The following SRGAP3 variants were observed in gnomAD, a reference collection of about 807,000 sequenced individuals.
The protein encoded by SRGAP3 is SLIT-ROBO Rho GTPase activating protein 3.
SRGAP3 carries 39 observed loss-of-function variants against 121.1 expected under a neutral mutation model. The observed-to-expected ratio is 0.32, with a 90% CI of 0.25 to 0.42. The LOEUF is 0.42. SRGAP3 is among the 10% of genes least tolerant of loss of function. The pLI, the probability that SRGAP3 is intolerant of heterozygous loss-of-function variation, is 1.00. For synonymous variants in SRGAP3, 601 were observed against 570.0 expected, an observed-to-expected ratio of 1.05 and a Z score of -0.77; for missense variants, 1,213 against 1,470.6, an observed-to-expected ratio of 0.82 and a Z score of 2.86.
intron 2 of SRGAP3, among the ~76,000 whole-genome samples, chr3:9,123,324 GAT>G (rs1949084868): frequency 6.6e-6 from 1 of 151,884 alleles, no homozygotes; most frequent in Admixed American, 6.6e-5. Context: ...ATTTAAAAAT[GAT>G]GAAAATGGTA....
chr3:9,295,898 C>A (rs1180159550), intron 3 of SRGAP3, among the ~76,000 whole-genome samples: 1 of 152,132 alleles, frequency 6.6e-6, no homozygotes, highest in Non-Finnish European at 1.5e-5. Context: ...TATACATATA[C>A]CCTTTTGTAC....
At chr3:9,265,528 G>GA (rs920270805) in intron 3 of SRGAP3, among the ~76,000 whole-genome samples, 3 of 147,808 alleles carry the variant, frequency 2.0e-5, no homozygotes, top group African/African-American at 5.0e-5. Flanking sequence ...AAATTTACAA[G>GA]AAAAAAAAAC....
At chr3:9,005,587 T>C (rs1434793493) in intron 18 of SRGAP3, among the ~76,000 whole-genome samples, 3 of 152,258 alleles carry the variant, frequency 2.0e-5, no homozygotes, top group African/African-American at 7.2e-5. Flanking sequence ...GGAATATTAT[T>C]CAGCCATCAA....
intron 2 of SRGAP3, 45 bp downstream of exon 2, chr3:9,124,680 C>T (rs1949151427): frequency 2.5e-6 from 4 of 1,611,822 alleles, no homozygotes; most frequent in Non-Finnish European, 3.4e-6. Flanking sequence ...TCCGCCCACC[C>T]CAGTGCTGCC....
chr3:9,053,840 G>T (rs924553702), intron 8 of SRGAP3, among the ~76,000 whole-genome samples: 1 of 152,168 alleles, frequency 6.6e-6, no homozygotes, highest in African/African-American at 2.4e-5. Flanking sequence ...CACAAGCAGG[G>T]CCCACGGGCC....
chr3:9,255,943 A>G (rs1954123210), intron 3 of SRGAP3, among the ~76,000 whole-genome samples: 1 of 152,148 alleles, frequency 6.6e-6, no homozygotes, highest in Non-Finnish European at 1.5e-5. Context: ...TGACTTTCCC[A>G]GCATCCCATG....
chr3:9,191,181 C>T (rs963876505), intron 1 of SRGAP3, among the ~76,000 whole-genome samples: 2 of 152,164 alleles, frequency 1.3e-5, no homozygotes, highest in Non-Finnish European at 2.9e-5. Context: ...GAGACTGGAA[C>T]AACATCAGCA....
At chr3:9,213,105 T>G (rs758655299) in intron 1 of SRGAP3, among the ~76,000 whole-genome samples, 2 of 152,152 alleles carry the variant, frequency 1.3e-5, no homozygotes, top group African/African-American at 2.4e-5. Flanking sequence ...ACAACCTCCA[T>G]AGCCACACGG....
At chr3:9,228,283 C>T (rs1353272954) in intron 1 of SRGAP3, among the ~76,000 whole-genome samples, 4 of 152,158 alleles carry the variant, frequency 2.6e-5, no homozygotes, top group Non-Finnish European at 4.4e-5. Context: ...TGCATGAGAA[C>T]AGGCACCCAG....
At chr3:9,127,588 CAG>C (rs888943270) in intron 1 of SRGAP3, among the ~76,000 whole-genome samples, 11 of 152,260 alleles carry the variant, frequency 7.2e-5, no homozygotes, top group African/African-American at 2.6e-4. Flanking sequence ...GCTGGGACGA[CAG>C]GTGCGCACCA....
chr3:9,292,757 A>C (rs1954890532), intron 3 of SRGAP3: 1 of 152,172 alleles, frequency 6.6e-6, no homozygotes, highest in Admixed American at 6.6e-5. Flanking sequence ...TCTTTGGATT[A>C]GTCTTTTTGA....
At chr3:9,356,358 A>G (rs1478592222) in intron 1 of SRGAP3, among the ~76,000 whole-genome samples, 3 of 39,604 alleles carry the variant, frequency 7.6e-5, no homozygotes, top group Non-Finnish European at 1.1e-4. Context: ...TGGCCAGCTA[A>G]TTTTTTTTTT....
At chr3:9,025,464 G>T in intron 13 of SRGAP3, 126 bp from the exon 14 acceptor site, 1 of 1,093,090 alleles carries the variant, frequency 9.1e-7, no homozygotes, top group Non-Finnish European at 1.4e-6. Flanking sequence ...TTATAACAGA[G>T]TCGTTCCCTA....
Position 9,123,787 on chromosome 3 carries a change from C to CAGAG in SRGAP3, c.260+934_260+937dup, listed in dbSNP as rs150619593. 6.0e-3 allele frequency among the ~76,000 whole-genome samples: 808 copies of CAGAG among 133,738 alleles called. 11 individuals carry two copies. Among genetic ancestry groups the CAGAG allele is most frequent in the African/African-American group, 0.022 (768 of 34,958 alleles). The allele number at this position is 133,738 out of a possible 152,430, so 87.7% of individuals were successfully genotyped here. A position where few individuals can be genotyped will look rare whatever the true frequency, so the allele number is the denominator to read the frequency against. On this transcript the variant is annotated intron_variant, in intron 2 of 21. Transcript: ENST00000383836. ...GTATATATGTATGTGTGTGTATACACAGAGAGAGAGAGAGAGAGAGAGAAA... is the reference window on the plus strand; with the variant it reads ...GTATATATGTATGTGTGTGTATACACAGAGAGAGAGAGAGAGAGAGAGAGAGAAA...
chr3:9,116,921 T>C (rs1476492449), intron 2 of SRGAP3, among the ~76,000 whole-genome samples: 3 of 152,160 alleles, frequency 2.0e-5, no homozygotes, highest in East Asian at 3.8e-4. Context: ...GAAGGTGCAA[T>C]GAGATGATGC....
intron 12 of SRGAP3, among the ~76,000 whole-genome samples, chr3:9,029,126 A>G (rs1236856547): frequency 1.3e-5 from 2 of 152,182 alleles, no homozygotes; most frequent in Non-Finnish European, 1.5e-5. Context: ...CCCAGAACTG[A>G]GCAAACAGCC....
intron 1 of SRGAP3, among the ~76,000 whole-genome samples, chr3:9,174,160 T>C (rs1351514965): frequency 6.6e-6 from 1 of 151,848 alleles, no homozygotes; most frequent in Non-Finnish European, 1.5e-5. Context: ...CCTAGAGGAG[T>C]CAGATTCACA....
intron 3 of SRGAP3, among the ~76,000 whole-genome samples, chr3:9,087,289 G>A (rs979388573): frequency 6.6e-6 from 1 of 151,924 alleles, no homozygotes; most frequent in South Asian, 2.1e-4. Flanking sequence ...ACCATATGAG[G>A]CACAGATGAA....
intron 3 of SRGAP3, among the ~76,000 whole-genome samples, chr3:9,320,252 G>C (rs1266117554): frequency 6.6e-6 from 1 of 151,904 alleles, no homozygotes; most frequent in Non-Finnish European, 1.5e-5. Context: ...AGAGAAGGAA[G>C]TAGGGCTAAA....
Sources: gnomAD v4.1 joint callset for allele counts (sites outside exome capture counted in the v4.1 genomes callset) on GRCh38, gnomAD v4.1.1 for gene constraint, MANE v1.5 for transcripts, NCBI Gene and HGNC (gene_info 2026-07-23, HGNC 2026-07-21) for gene names.